Variants in SRPK1 observed in about 807,000 individuals in gnomAD.
The protein encoded by SRPK1 is SRSF protein kinase 1.
A neutral mutation model predicts 89.5 loss-of-function variants in SRPK1; 52 were observed. The ratio of observed to expected loss-of-function variants is 0.58; its 90% CI spans 0.46 to 0.73. The LOEUF is 0.73. Among genes scored for constraint, SRPK1 ranks in the 30% least tolerant of loss-of-function variants. The pLI, the probability that SRPK1 is intolerant of heterozygous loss-of-function variation, is 0.00. For synonymous variants in SRPK1, 255 were observed against 270.2 expected (o/e 0.94, Z 0.55); for missense variants, 603 against 780.6 (o/e 0.77, Z 2.71).
intron 12 of SRPK1, among the ~76,000 whole-genome samples, chr6:35,867,014 G>C (rs1314132503): frequency 6.6e-6 from 1 of 152,196 alleles, no homozygotes; most frequent in Non-Finnish European, 1.5e-5. Flanking sequence ...CTCAGAGGGT[G>C]GGGTGAAAGG....
At chr6:35,888,376 T>C (rs1054311230) in intron 4 of SRPK1, among the ~76,000 whole-genome samples, 2 of 152,148 alleles carry the variant, frequency 1.3e-5, no homozygotes, top group African/African-American at 4.8e-5. Context: ...TTTGAATATC[T>C]CCCTGAGTTA....
At chr6:35,873,841 T>C (rs1770097325) in intron 7 of SRPK1, among the ~76,000 whole-genome samples, 1 of 150,946 alleles carries the variant, frequency 6.6e-6, no homozygotes, top group South Asian at 2.1e-4. Context: ...TCTTTTTTTT[T>C]TTTGAGACGG....
At chr6:35,911,145 T>C (rs1032393891) in intron 2 of SRPK1, among the ~76,000 whole-genome samples, 7 of 152,222 alleles carry the variant, frequency 4.6e-5, no homozygotes, top group African/African-American at 1.7e-4. Context: ...GAAAAATCTA[T>C]TGAAAACCTT....
chr6:35,842,560 T>C lies in SRPK1; in HGVS notation c.1665A>G (p.Ser555=). The change falls in exon 14 of 16, where the codon TCA becomes TCG. Residue 555 remains serine (S), a synonymous_variant. Transcript: ENST00000373825. ...ATGDYLFEPH[S]GEEYTRDEDH... ...CTTCATCTCGAGTGTACTCTTCCCCTGAATGAGGTTCAAACAAATAGTCAC... is the reference window on the plus strand; with the variant it reads ...CTTCATCTCGAGTGTACTCTTCCCCCGAATGAGGTTCAAACAAATAGTCAC... 1.2e-6 allele frequency: 2 copies of C among 1,612,490 alleles called. No individual in the cohort carries two copies. Among genetic ancestry groups the C allele is most frequent in the South Asian group, 2.2e-5 (2 of 90,768 alleles).
chr6:35,850,612 A>T (rs923992368), intron 13 of SRPK1, among the ~76,000 whole-genome samples: 7 of 152,338 alleles, frequency 4.6e-5, no homozygotes, highest in Admixed American at 3.3e-4. Context: ...CAAAGCAAAT[A>T]AATGGTTCTA....
rs774191793 is a variant in SRPK1 at position 35,874,358 on chromosome 6, G to C, written c.479-19C>G. 3.2e-6 allele frequency: 5 copies of C among 1,549,374 alleles called. No individual in the cohort carries two copies. In the Admixed American group the frequency reaches 8.6e-5, roughly 27 times the overall value. ...CAGATATCTAGGAATTCATTAAGGA[G>C]GGAAAAAACGGCACAAAAGAAGAAC... On this transcript the variant is annotated intron_variant, in intron 6 of 15. Transcript: ENST00000373825.
chr6:35,851,076 A>G (rs1769544105), intron 13 of SRPK1, among the ~76,000 whole-genome samples: 1 of 152,374 alleles, frequency 6.6e-6, no homozygotes, highest in African/African-American at 2.4e-5. Flanking sequence ...AAACAGAAGC[A>G]GAGAAAGGAA....
chr6:35,920,159 G>A (rs1205043477), intron 2 of SRPK1: 2 of 523,814 alleles, frequency 3.8e-6, no homozygotes, highest in African/African-American at 3.8e-5. Flanking sequence ...AGCTCCGGTG[G>A]GGAGGTCCAA....
In SRPK1 at chr6:35,904,988, G is replaced by GA. The variant is rs749680385; in HGVS notation, c.75-13976dup. ...AAGACTCCATCTCTACAAAAGAAAA[G>GA]AAAAAAAAAATTAAAAATTAAGGGG... On this transcript the variant is annotated intron_variant, in intron 2 of 15. Transcript: ENST00000373825. 1,426 of 415,666 alleles carry GA rather than the reference G, an allele frequency of 3.4e-3. 1 individual carries two copies. The highest frequency in any genetic ancestry group is 6.6e-3 in the East Asian group (85 of 12,912). The allele number at this position is 415,666 out of a possible 1,614,324, so 25.7% of individuals were successfully genotyped here.
chr6:35,834,134 A>C lies in SRPK1; in HGVS notation c.*1170T>G, dbSNP rs1274170636. ...AGGGAAATAGCAGCAGAGAATGGCT[A>C]ATCTTAAAAAATAACGAACCAACCA... On this transcript the variant is annotated 3_prime_UTR_variant, in exon 16 of 16. Transcript: ENST00000373825. 1 of 146,610 alleles carries C rather than the reference A, an allele frequency of 6.8e-6. No individual in the cohort carries two copies. The highest frequency in any genetic ancestry group is 1.5e-5 in the Non-Finnish European group (1 of 66,120). 9.1% of individuals were successfully genotyped at this position (146,610 alleles called of 1,614,324 possible).
intron 6 of SRPK1, among the ~76,000 whole-genome samples, chr6:35,881,584 C>G (rs191826062): frequency 1.3e-5 from 2 of 151,588 alleles, no homozygotes; most frequent in Admixed American, 1.3e-4. Flanking sequence ...AGTAACCAAA[C>G]GAAATCAGGG....
At chr6:35,909,740 C>T (rs1199826262) in intron 2 of SRPK1, among the ~76,000 whole-genome samples, 1 of 152,156 alleles carries the variant, frequency 6.6e-6, no homozygotes, top group Non-Finnish European at 1.5e-5. Context: ...CTCACGAGAC[C>T]TGATGGTTTT....
At chr6:35,882,710 A>G (rs936628619) in intron 6 of SRPK1, among the ~76,000 whole-genome samples, 2 of 152,222 alleles carry the variant, frequency 1.3e-5, no homozygotes, top group East Asian at 1.9e-4. Context: ...AAGATTGGCT[A>G]TAAGTTGATA....
chr6:35,868,026 G>A (rs1769942791), intron 12 of SRPK1, among the ~76,000 whole-genome samples: 1 of 151,944 alleles, frequency 6.6e-6, no homozygotes, highest in East Asian at 1.9e-4. Context: ...AGGCTGGAGT[G>A]CAATGGCGTG....
At chr6:35,889,429 T>C (rs953585130) in intron 3 of SRPK1, among the ~76,000 whole-genome samples, 13 of 148,468 alleles carry the variant, frequency 8.8e-5, no homozygotes, top group African/African-American at 2.5e-4. Context: ...GGGCGGATCA[T>C]TTGAGGTCAG....
intron 8 of SRPK1, among the ~76,000 whole-genome samples, chr6:35,871,664 T>C (rs1561979603): frequency 6.6e-6 from 1 of 152,182 alleles, no homozygotes; most frequent in Non-Finnish European, 1.5e-5. Flanking sequence ...ATCAAGCAAG[T>C]TCCTAAAAAA....
chr6:35,900,029 A>T (rs982045930), intron 2 of SRPK1, among the ~76,000 whole-genome samples: 3 of 150,626 alleles, frequency 2.0e-5, no homozygotes, highest in East Asian at 2.0e-4. Context: ...ATAAAAAAAT[A>T]AAAAAAAATA....
chr6:35,896,163 C>T (rs903053665), intron 2 of SRPK1, among the ~76,000 whole-genome samples: 5 of 152,206 alleles, frequency 3.3e-5, no homozygotes, highest in African/African-American at 1.2e-4. Context: ...GGGCTTGCAA[C>T]TGGCACTGGA....
rs374105061 is a variant in SRPK1 at position 35,857,378 on chromosome 6, T to C, written c.1513-10A>G. 21 of 1,581,792 alleles carry C rather than the reference T, an allele frequency of 1.3e-5. No homozygotes were observed. In the African/African-American group the frequency reaches 2.6e-4, roughly 19 times the overall value. On this transcript the variant is annotated splice_polypyrimidine_tract_variant and intron_variant, in intron 12 of 15. Transcript: ENST00000373825. ...CAGTGAAATGTTTGTGCTGAGAAAA[T>C]GAAGGAAACAATATTTTAAACTTCA... is the stretch of plus-strand genomic sequence containing the variant.
Sources: gnomAD v4.1 joint callset for allele counts (sites outside exome capture counted in the v4.1 genomes callset) on GRCh38, gnomAD v4.1.1 for gene constraint, MANE v1.5 for transcripts, NCBI Gene and HGNC (gene_info 2026-07-23, HGNC 2026-07-21) for gene names.